The following LRCH2 variants were observed in gnomAD, a reference collection of about 807,000 sequenced individuals.
LRCH2 encodes the protein leucine-rich repeat and calponin homology domain-containing protein 2.
LRCH2 carries 38 observed loss-of-function variants against 68.9 expected under a neutral mutation model. That is an observed-to-expected ratio of 0.55 (90% CI 0.43 to 0.72). The LOEUF (loss-of-function observed/expected upper bound fraction) is 0.72. Among genes scored for constraint, LRCH2 ranks in the 30% least tolerant of loss-of-function variants. The pLI is 0.00. For synonymous variants in LRCH2, 191 were observed against 208.1 expected (o/e 0.92, Z 0.71); for missense variants, 528 against 572.9 (o/e 0.92, Z 0.80).
chrX:115,204,643 G>A (rs2072953083), intron 1 of LRCH2, among the ~76,000 whole-genome samples: 1 of 111,498 alleles, frequency 9.0e-6, no homozygotes, highest in Non-Finnish European at 1.9e-5. Flanking sequence ...AGATCTCTAG[G>A]GCAGGAGCAA....
intron 1 of LRCH2, chrX:115,192,114 C>A (rs782204058): frequency 1.9e-5 from 22 of 1,165,625 alleles, no homozygotes; most frequent in Non-Finnish European, 3.4e-6. Flanking sequence ...AAGCCTACAG[C>A]AGGGGCCGCG....
At chrX:115,133,216 G>A (rs1556530861) in intron 14 of LRCH2, among the ~76,000 whole-genome samples, 1 of 112,138 alleles carries the variant, frequency 8.9e-6, no homozygotes, top group Non-Finnish European at 1.9e-5. Flanking sequence ...AAGTTTAAAC[G>A]ACTGTGCTGC....
intron 1 of LRCH2, among the ~76,000 whole-genome samples, chrX:115,208,044 C>T (rs1409570829): frequency 1.8e-5 from 2 of 112,118 alleles, no homozygotes; most frequent in Admixed American, 9.4e-5. Flanking sequence ...ATAGGGAGTG[C>T]GGCCCTGCCA....
intron 1 of LRCH2, among the ~76,000 whole-genome samples, chrX:115,217,284 T>C: frequency 9.0e-6 from 1 of 111,532 alleles, no homozygotes; most frequent in African/African-American, 3.3e-5. Context: ...AACGTGCAGG[T>C]TTGTTACATA....
intron 1 of LRCH2, chrX:115,192,217 G>T (rs781783386): frequency 8.6e-7 from 1 of 1,161,983 alleles, no homozygotes; most frequent in Non-Finnish European, 1.1e-6. Context: ...TGCCTACGGC[G>T]GGGGCCGCGG....
intron 20 of LRCH2, among the ~76,000 whole-genome samples, chrX:115,119,897 C>A (rs2072120997): frequency 9.0e-6 from 1 of 110,562 alleles, no homozygotes; most frequent in Non-Finnish European, 1.9e-5. Flanking sequence ...TTTGACAGAC[C>A]TGAGAAAAAC....
At position 115,126,860 on chromosome X, in the gene LRCH2, A is replaced by G; in HGVS notation, c.1774T>C (p.Ser592Pro). 9.1e-7 allele frequency: 1 copy of G among 1,094,431 alleles called. No individual in the cohort carries two copies. The highest frequency in any genetic ancestry group is 1.2e-6 in the Non-Finnish European group (1 of 836,183). 90.2% of individuals were successfully genotyped at this position (1,094,431 alleles called of 1,213,427 possible). A position where few individuals can be genotyped will look rare whatever the true frequency, so the allele number is the denominator to read the frequency against. Reference sequence around the variant, plus strand: ...ACTTGTACCTCAGATGATACTGGAGATTGTGTTGACATATTAGCATTATCA... The same window carrying G: ...ACTTGTACCTCAGATGATACTGGAGGTTGTGTTGACATATTAGCATTATCA... ...DSDNANMSTQ[S>P]PVSSEEYDRT... Residue 592 changes from serine (S) to proline (P), a missense_variant, in exon 16 of 21, where the codon TCT (serine) becomes CCT (proline). Transcript: ENST00000317135.
At chrX:115,160,141 C>T (rs1163450110) in intron 11 of LRCH2, among the ~76,000 whole-genome samples, 2 of 109,972 alleles carry the variant, frequency 1.8e-5, no homozygotes, top group African/African-American at 6.6e-5. Flanking sequence ...CACAGTGAAA[C>T]CCTGTCTCTA....
At chrX:115,196,799 T>C (rs2072890604) in intron 1 of LRCH2, among the ~76,000 whole-genome samples, 1 of 111,289 alleles carries the variant, frequency 9.0e-6, no homozygotes, top group South Asian at 3.9e-4. Flanking sequence ...CCTGCTTATC[T>C]GCCTGGTATA....
At chrX:115,199,049 TA>T (rs1203696476) in intron 1 of LRCH2, among the ~76,000 whole-genome samples, 5 of 112,117 alleles carry the variant, frequency 4.5e-5, no homozygotes, top group Admixed American at 3.8e-4. Flanking sequence ...TCATCGCCAC[TA>T]AACTGGCCCT....
At chrX:115,227,275 T>C (rs1257476138) in intron 1 of LRCH2, among the ~76,000 whole-genome samples, 1 of 103,663 alleles carries the variant, frequency 9.6e-6, no homozygotes, top group Non-Finnish European at 2.0e-5. Flanking sequence ...CAGGGCAACA[T>C]AGCAAGGCCT....
At chrX:115,183,916 A>T (rs2072712927) in intron 3 of LRCH2, among the ~76,000 whole-genome samples, 1 of 112,095 alleles carries the variant, frequency 8.9e-6, no homozygotes, top group Non-Finnish European at 1.9e-5. Context: ...GTATTTCTAC[A>T]ATCAATTGCA....
rs186896047 is a variant in LRCH2, at chrX:115,205,506, A to C, written c.350-17136T>G. On this transcript the variant is annotated intron_variant, in intron 1 of 20. Transcript: ENST00000317135. Reference sequence around the variant, plus strand: ...CATCAAGTGTACCATATATTGGTTCATTAATTGTAAAAAATACATTACAAA... The same window carrying C: ...CATCAAGTGTACCATATATTGGTTCCTTAATTGTAAAAAATACATTACAAA... Among the ~76,000 whole-genome samples the C allele has an allele frequency of 3.9e-3, 442 of 112,574 alleles. 3 individuals carry two copies. The highest frequency in any genetic ancestry group is 6.8e-3 in the Non-Finnish European group (363 of 53,373).
rs2147334523 is a variant in LRCH2, at chrX:115,110,947, T to G, written c.*2269A>C. On this transcript the variant is annotated 3_prime_UTR_variant, in exon 21 of 21. Transcript: ENST00000317135. ...TAAAATATTTTTGATTATTCAACTG[T>G]CATTAAATCACAAATCCCACTCAAG... 8.9e-6 allele frequency: 1 copy of G among 112,082 alleles called. No individual in the cohort carries two copies. 9.2% of individuals were successfully genotyped at this position (112,082 alleles called of 1,213,427 possible).
At chrX:115,230,818 T>G (rs2147373305) in intron 1 of LRCH2, among the ~76,000 whole-genome samples, 1 of 111,557 alleles carries the variant, frequency 9.0e-6, no homozygotes, top group Non-Finnish European at 1.9e-5. Flanking sequence ...TCTTGAGTGC[T>G]TAAAAAATAA....
chrX:115,163,827 C>A, intron 10 of LRCH2, 44 bp from the exon 11 acceptor site: 3 of 963,445 alleles, frequency 3.1e-6, no homozygotes, highest in Non-Finnish European at 2.9e-6. Flanking sequence ...GTAAGGCAGA[C>A]TACATTTTAT....
intron 5 of LRCH2, among the ~76,000 whole-genome samples, chrX:115,173,399 G>A (rs1401030174): frequency 1.8e-5 from 2 of 111,709 alleles, no homozygotes; most frequent in Non-Finnish European, 3.8e-5. Context: ...AACCCCTCGA[G>A]TAGAGAGCAA....
chrX:115,209,858 G>A (rs2072994153), intron 1 of LRCH2, among the ~76,000 whole-genome samples: 1 of 111,936 alleles, frequency 8.9e-6, no homozygotes, highest in Non-Finnish European at 1.9e-5. Flanking sequence ...GAGCAAAGGT[G>A]ACACTCTTGT....
Position 115,123,941 on chromosome X carries a change from T to G in LRCH2, c.1849+4A>C. ...TAAATTTTATTTACAGAATATCTAT[T>G]TACCTGATCTAGGCTTCAAGCCAAA... is the stretch of plus-strand genomic sequence containing the variant. On this transcript the variant is annotated splice_donor_region_variant and intron_variant, in intron 17 of 20. Coordinates refer to ENST00000317135, the MANE Select transcript of LRCH2 (RefSeq NM_020871.4). The G allele has an allele frequency of 9.3e-7, 1 of 1,079,318 alleles. No homozygotes were observed. Among genetic ancestry groups the G allele is most frequent in the Non-Finnish European group, 1.2e-6 (1 of 807,187 alleles). 88.9% of individuals were successfully genotyped at this position (1,079,318 alleles called of 1,213,427 possible).
Sources: gnomAD v4.1 joint callset for allele counts (sites outside exome capture counted in the v4.1 genomes callset) on GRCh38, gnomAD v4.1.1 for gene constraint, MANE v1.5 for transcripts, NCBI Gene and HGNC (gene_info 2026-07-23, HGNC 2026-07-21) for gene names.